The following B4GALT5 variants were observed in gnomAD, a reference collection of about 807,000 sequenced individuals.
B4GALT5 encodes UDP-Gal:beta-GlcNAc beta-1,4-galactosyltransferase 5.
Under a neutral mutation model 45.0 loss-of-function variants are expected in B4GALT5, and 11 were observed. That is an observed-to-expected ratio of 0.24 (90% CI 0.15 to 0.40). The LOEUF (loss-of-function observed/expected upper bound fraction) is 0.40. Ranked by LOEUF, B4GALT5 falls within the 10% of genes least tolerant of loss-of-function variation. B4GALT5 has a pLI of 1.00. For synonymous variants in B4GALT5, 185 were observed against 182.9 expected, an observed-to-expected ratio of 1.01 and a Z score of -0.09; for missense variants, 337 against 500.2, an observed-to-expected ratio of 0.67 and a Z score of 3.11.
At chr20:49,709,720 GATC>G (rs1019537937) in intron 1 of B4GALT5, among the ~76,000 whole-genome samples, 1 of 149,234 alleles carries the variant, frequency 6.7e-6, no homozygotes, top group Non-Finnish European at 1.5e-5. Context: ...AGTGAGCTGA[GATC>G]ACACCATTTC....
At chr20:49,709,819 G>T (rs1225493134) in intron 1 of B4GALT5, among the ~76,000 whole-genome samples, 1 of 151,608 alleles carries the variant, frequency 6.6e-6, no homozygotes, top group Non-Finnish European at 1.5e-5. Context: ...ACATTAAATG[G>T]ATCAAATGGT....
intron 2 of B4GALT5, among the ~76,000 whole-genome samples, chr20:49,653,741 A>G (rs1281415824): frequency 6.6e-6 from 1 of 152,256 alleles, no homozygotes; most frequent in African/African-American, 2.4e-5. Context: ...CTTCCAATCT[A>G]TTAGAGAAAT....
chr20:49,706,262 T>C lies in B4GALT5; in HGVS notation c.115+7314A>G, dbSNP rs56194743. On this transcript the variant is annotated intron_variant, in intron 1 of 8. Coordinates refer to ENST00000371711, the MANE Select transcript of B4GALT5 (RefSeq NM_004776.4). ...TCAAGCTCTGTGCTAAGCCCTTTTA[T>C]GTGCATATTCTACTTAATTCTGACA... Among the ~76,000 whole-genome samples the C allele has an allele frequency of 6.0e-3, 914 of 152,088 alleles. 3 individuals carry two copies. The highest frequency in any genetic ancestry group is 0.01 in the Non-Finnish European group (690 of 67,990).
In B4GALT5 at chr20:49,682,510, G is replaced by C. The variant is rs911155440; in HGVS notation, c.116-25808C>G. Reference sequence around the variant, plus strand: ...GATACCCATGCAAGCTCTCACCACAGGCCACTGACCCAACCACTGTCTTGG... The same window carrying C: ...GATACCCATGCAAGCTCTCACCACACGCCACTGACCCAACCACTGTCTTGG... On this transcript the variant is annotated intron_variant, in intron 1 of 8. Coordinates refer to ENST00000371711, the MANE Select transcript of B4GALT5 (RefSeq NM_004776.4). Among the ~76,000 whole-genome samples, 7 of 152,114 alleles carry C rather than the reference G, an allele frequency of 4.6e-5. 1 individual carries two copies. The highest frequency in any genetic ancestry group is 2.9e-5 in the Non-Finnish European group (2 of 68,030).
At chr20:49,693,053 G>A (rs1027325392) in intron 1 of B4GALT5, among the ~76,000 whole-genome samples, 1 of 152,112 alleles carries the variant, frequency 6.6e-6, no homozygotes, top group Non-Finnish European at 1.5e-5. Flanking sequence ...TGTAGCCTAC[G>A]AATAATAGGC....
At chr20:49,669,708 A>AC in intron 1 of B4GALT5, among the ~76,000 whole-genome samples, 1 of 151,988 alleles carries the variant, frequency 6.6e-6, no homozygotes, top group Non-Finnish European at 1.5e-5. Context: ...AAAAAAAAAA[A>AC]AAAAAGAATT....
At chr20:49,647,129 G>A (rs778655655) in intron 2 of B4GALT5, 51 bp from the exon 3 acceptor site, 7 of 1,166,966 alleles carry the variant, frequency 6.0e-6, no homozygotes, top group South Asian at 2.7e-5. Flanking sequence ...GTGATCAACC[G>A]TGCAATTATC....
intron 1 of B4GALT5, among the ~76,000 whole-genome samples, chr20:49,698,925 C>T (rs552633822): frequency 1.3e-5 from 2 of 152,118 alleles, no homozygotes; most frequent in African/African-American, 4.8e-5. Flanking sequence ...TCCAATTTCA[C>T]AAAGTAAATA....
chr20:49,712,220 C>T (rs544726610), intron 1 of B4GALT5, among the ~76,000 whole-genome samples: 166 of 152,316 alleles, frequency 1.1e-3, no homozygotes, highest in African/African-American at 3.9e-3. Context: ...GTGGTAAGTG[C>T]TTTTAAAGAA....
intron 2 of B4GALT5, among the ~76,000 whole-genome samples, chr20:49,655,171 C>T (rs1355579546): frequency 6.6e-6 from 1 of 151,872 alleles, no homozygotes; most frequent in Non-Finnish European, 1.5e-5. Flanking sequence ...TGGTTCATGT[C>T]TGTAATCCCA....
intron 8 of B4GALT5, 40 bp downstream of exon 8, chr20:49,637,296 AAGTAT>A (rs1461437163): frequency 2.0e-6 from 3 of 1,524,414 alleles, no homozygotes; most frequent in African/African-American, 2.7e-5. Context: ...CCGGACATGA[AAGTAT>A]AGGGGATACT....
intron 1 of B4GALT5, among the ~76,000 whole-genome samples, chr20:49,704,153 C>T (rs2146361498): frequency 6.6e-6 from 1 of 152,248 alleles, no homozygotes; most frequent in South Asian, 2.1e-4. Flanking sequence ...ACAATTTAGG[C>T]TTGGTTCCTG....
intron 1 of B4GALT5, among the ~76,000 whole-genome samples, chr20:49,659,427 T>TG (rs1568721133): frequency 7.2e-5 from 11 of 152,192 alleles, no homozygotes; most frequent in Non-Finnish European, 1.6e-4. Context: ...TGATGGTCTA[T>TG]TACAGACTAT....
chr20:49,663,843 T>C (rs145215425), intron 1 of B4GALT5, among the ~76,000 whole-genome samples: 6 of 151,834 alleles, frequency 4.0e-5, no homozygotes, highest in East Asian at 1.9e-4. Flanking sequence ...TTGAGAGATA[T>C]ACTGTAAGGA....
At chr20:49,671,476 A>G (rs934864805) in intron 1 of B4GALT5, among the ~76,000 whole-genome samples, 4 of 152,232 alleles carry the variant, frequency 2.6e-5, no homozygotes, top group African/African-American at 7.2e-5. Context: ...TCAAGACGGT[A>G]TATACATTGT....
intron 1 of B4GALT5, among the ~76,000 whole-genome samples, chr20:49,658,765 G>T (rs2085653270): frequency 1.3e-5 from 2 of 152,162 alleles, no homozygotes; most frequent in Non-Finnish European, 1.5e-5. Context: ...TCTGGTCTGA[G>T]TGGGGCCCAT....
intron 1 of B4GALT5, among the ~76,000 whole-genome samples, chr20:49,663,694 TATAC>T (rs201917404): frequency 0.056 from 3,573 of 64,148 alleles, 311 homozygotes; most frequent in Non-Finnish European, 0.07. Context: ...AAAAAAAATA[TATAC>T]ATATATATAT....
intron 1 of B4GALT5, among the ~76,000 whole-genome samples, chr20:49,671,330 A>G (rs2085715012): frequency 6.6e-6 from 1 of 152,186 alleles, no homozygotes; most frequent in Non-Finnish European, 1.5e-5. Flanking sequence ...AGTTGAAATC[A>G]TGCCACTACA....
At chr20:49,656,841 A>G in intron 1 of B4GALT5, 139 bp from the exon 2 acceptor site, 1 of 1,111,336 alleles carries the variant, frequency 9.0e-7, no homozygotes, top group Non-Finnish European at 1.3e-6. Flanking sequence ...ACATGACCAT[A>G]ACTCTATTTT....
Sources: allele counts gnomAD v4.1 joint callset (sites outside exome capture counted in the v4.1 genomes callset), GRCh38; gene constraint gnomAD v4.1.1; transcripts MANE v1.5; gene names NCBI Gene and HGNC (gene_info 2026-07-23, HGNC 2026-07-21).